Variants in CFAP46 observed in about 807,000 individuals in gnomAD.
The protein encoded by CFAP46 is cilia and flagella associated protein 46.
CFAP46 carries 245 observed loss-of-function variants against 325.7 expected under a neutral mutation model. That is an observed-to-expected ratio of 0.75 (90% confidence interval 0.68 to 0.84). The LOEUF (loss-of-function observed/expected upper bound fraction) is 0.84. Ranked by LOEUF, CFAP46 falls within the 40% of genes least tolerant of loss-of-function variation. The pLI, the probability that CFAP46 is intolerant of heterozygous loss-of-function variation, is 0.00. For synonymous variants in CFAP46, 1,523 were observed against 1,495.9 expected, an observed-to-expected ratio of 1.02 and a Z score of -0.42; for missense variants, 3,346 against 3,543.0, an observed-to-expected ratio of 0.94 and a Z score of 1.41.
chr10:132,811,148 C>T (rs1847574284), intron 55 of CFAP46, 117 bp from the exon 56 acceptor site: 4 of 867,942 alleles, frequency 4.6e-6, no homozygotes, highest in South Asian at 1.5e-5. Flanking sequence ...ACGCTGGCCA[C>T]TCAGCTCCGG....
intron 50 of CFAP46, among the ~76,000 whole-genome samples, chr10:132,822,278 G>GC: frequency 1.2e-5 from 1 of 83,198 alleles, no homozygotes; most frequent in African/African-American, 3.5e-5. Context: ...TGTGCTGTGT[G>GC]AGTGCTGGTG....
At chr10:132,903,926 C>T (rs773637649) in intron 22 of CFAP46, among the ~76,000 whole-genome samples, 23 of 152,104 alleles carry the variant, frequency 1.5e-4, no homozygotes, top group Non-Finnish European at 2.6e-4. Context: ...AATATATATT[C>T]CTTGACACTA....
chr10:132,810,867 T>A, intron 56 of CFAP46, 83 bp downstream of exon 56: 1 of 1,301,280 alleles, frequency 7.7e-7, no homozygotes, highest in Non-Finnish European at 1.1e-6. Context: ...CCCAGGTCCC[T>A]CCTCCCTTGT....
rs372401237 is a variant in CFAP46 at position 132,836,214 on chromosome 10, G to A, written c.6541C>T (p.Arg2181Cys). The A allele has an allele frequency of 8.3e-5, 134 of 1,611,156 alleles. No individual in the cohort carries two copies. In the Admixed American group the frequency reaches 1.8e-3, roughly 22 times the overall value. ...LFLHLSGDRSRLYGAAYEKPK... is the reference protein window; with the variant it reads ...LFLHLSGDRSCLYGAAYEKPK... ...TTCTCGTAGGCAGCGCCGTACAGACGGGACCTGCTGGCAGGACGTGGGCCA... is the reference window on the plus strand; with the variant it reads ...TTCTCGTAGGCAGCGCCGTACAGACAGGACCTGCTGGCAGGACGTGGGCCA... The change falls in exon 46 of 58, where the codon CGT (arginine) becomes TGT (cysteine). Residue 2181 changes from arginine to cysteine, a missense_variant. Physicochemically the swap from Arg to Cys is radical, Grantham distance 180 (BLOSUM62 -3). Coordinates refer to ENST00000368586, the MANE Select transcript of CFAP46 (RefSeq NM_001200049.3).
intron 49 of CFAP46, 144 bp from the exon 50 acceptor site, chr10:132,833,669 A>G: frequency 9.0e-6 from 7 of 781,054 alleles, no homozygotes; most frequent in Non-Finnish European, 1.2e-5. Context: ...CCTCCTCCAG[A>G]TGCCCCAGAA....
chr10:132,887,583 T>TTTCACC (rs1849171143), intron 25 of CFAP46, among the ~76,000 whole-genome samples: 1 of 22,810 alleles, frequency 4.4e-5, no homozygotes. Context: ...CTCTCCCCTC[T>TTTCACC]TCTCTCCTCT....
At chr10:132,881,841 C>T (rs1410104085) in intron 27 of CFAP46, among the ~76,000 whole-genome samples, 2 of 152,272 alleles carry the variant, frequency 1.3e-5, no homozygotes, top group South Asian at 2.1e-4. Flanking sequence ...GCTCTCTGAG[C>T]GCTGGCCCAT....
chr10:132,848,193 G>T (rs988624780), intron 41 of CFAP46, among the ~76,000 whole-genome samples: 1 of 152,158 alleles, frequency 6.6e-6, no homozygotes, highest in Non-Finnish European at 1.5e-5. Context: ...AAATAGACCC[G>T]TGAGAAACAG....
rs938069202 is a variant in CFAP46 at position 132,834,328 on chromosome 10, G to A, written c.6867-205C>T. Reference sequence around the variant, plus strand: ...CTCTGATCCACCAGCCAAGCTAAACGGTGCCAGGTGTCCGTCCCCTCTGCC... The same window carrying A: ...CTCTGATCCACCAGCCAAGCTAAACAGTGCCAGGTGTCCGTCCCCTCTGCC... On this transcript the variant is annotated intron_variant, in intron 48 of 57. Coordinates refer to ENST00000368586, the MANE Select transcript of CFAP46 (RefSeq NM_001200049.3). 1.2e-4 allele frequency among the ~76,000 whole-genome samples: 19 copies of A among 152,146 alleles called. 1 individual carries two copies. Among genetic ancestry groups the A allele is most frequent in the African/African-American group, 3.1e-4 (13 of 41,442 alleles).
intron 50 of CFAP46, among the ~76,000 whole-genome samples, chr10:132,820,866 G>A (rs1847790522): frequency 7.3e-6 from 1 of 136,916 alleles, no homozygotes; most frequent in Non-Finnish European, 1.6e-5. Context: ...GATGTGTGCT[G>A]TGTGTGCTGA....
In CFAP46 at chr10:132,922,238, A is replaced by C. The variant is rs1367468861; in HGVS notation, c.1486-14T>G. 1 of 1,546,616 alleles carries C rather than the reference A, an allele frequency of 6.5e-7. No homozygotes were observed. The highest frequency in any genetic ancestry group is 8.7e-7 in the Non-Finnish European group (1 of 1,144,154). On this transcript the variant is annotated splice_polypyrimidine_tract_variant and intron_variant, in intron 12 of 57. Coordinates refer to ENST00000368586, the MANE Select transcript of CFAP46 (RefSeq NM_001200049.3). ...AGCTTTTTTTGCCTGTGAAAAGCAG[A>C]GACTGATGAGCAAGGGGCCGCTGGA...
intron 31 of CFAP46, among the ~76,000 whole-genome samples, chr10:132,874,992 C>A (rs533599695): frequency 1.3e-5 from 2 of 152,082 alleles, no homozygotes; most frequent in Non-Finnish European, 2.9e-5. Context: ...GCAGATAAAA[C>A]GATGATGTAC....
chr10:132,833,960 G>C, intron 49 of CFAP46, 81 bp downstream of exon 49: 1 of 1,361,068 alleles, frequency 7.3e-7, no homozygotes, highest in Non-Finnish European at 1.0e-6. Context: ...TGGCGTTCCC[G>C]GATGGGTGGG....
At position 132,909,212 on chromosome 10, in the gene CFAP46, TC is replaced by T; in HGVS notation, c.2681del (p.Arg894LysfsTer28). ...GTNEDVSSVT[R>X]VLVALEMYSC... ...AGTACATTTCCAAGGCAACGAGGAC[TC>T]TGGTCACCGAGCTGACATCCTCATT... On this transcript the variant is annotated frameshift_variant, in exon 21 of 58. Transcript: ENST00000368586. LOFTEE classifies it high-confidence loss of function. 1 of 1,550,362 alleles carries T rather than the reference TC, an allele frequency of 6.5e-7. No homozygotes were observed.
chr10:132,909,588 G>T (rs1200377969), intron 20 of CFAP46, among the ~76,000 whole-genome samples: 4 of 152,164 alleles, frequency 2.6e-5, no homozygotes, highest in African/African-American at 9.7e-5. Context: ...CTAGGGCCTG[G>T]CTCCTGGCCA....
intron 22 of CFAP46, among the ~76,000 whole-genome samples, chr10:132,906,043 C>T (rs1039552116): frequency 1.4e-4 from 22 of 152,316 alleles, no homozygotes; most frequent in Admixed American, 1.2e-3. Context: ...GGCATGGAAT[C>T]CTGTCCATAC....
intron 12 of CFAP46, 105 bp downstream of exon 12, chr10:132,922,375 C>T (rs1371181531): frequency 6.9e-7 from 1 of 1,447,570 alleles, no homozygotes; most frequent in Admixed American, 2.5e-5. Context: ...CTCCTTGCTT[C>T]AGGCAGCCCT....
Position 132,834,718 on chromosome 10 carries a change from C to A in CFAP46, c.6802G>T (p.Val2268Phe). ...KERPVQRLSSVLGPLEELLQP... is the reference protein window; with the variant it reads ...KERPVQRLSSFLGPLEELLQP... ...AGAAGCTCCTCCAGGGGCCCCAGGA[C>A]GCTACTGAGCCTCTGCACAGGGCGC... is the stretch of plus-strand genomic sequence containing the variant. Residue 2268 changes from valine to phenylalanine, a missense_variant, in exon 48 of 58, where the codon GTC becomes TTC. Val to Phe is a conservative substitution (Grantham distance 50). Coordinates refer to ENST00000368586, the MANE Select transcript of CFAP46 (RefSeq NM_001200049.3). 6.2e-7 allele frequency: 1 copy of A among 1,613,060 alleles called. No individual in the cohort carries two copies.
At chr10:132,849,230 C>T (rs1383662664) in intron 41 of CFAP46, among the ~76,000 whole-genome samples, 3 of 152,198 alleles carry the variant, frequency 2.0e-5, no homozygotes, top group African/African-American at 7.2e-5. Context: ...TGGTCCACAC[C>T]CACCCGCTAC....
Sources: gnomAD v4.1 joint callset for allele counts (sites outside exome capture counted in the v4.1 genomes callset) on GRCh38, gnomAD v4.1.1 for gene constraint, MANE v1.5 for transcripts, NCBI Gene and HGNC (gene_info 2026-07-23, HGNC 2026-07-21) for gene names.